Variants in MMP26 observed in about 807,000 individuals in gnomAD.
The protein encoded by MMP26 is matrix metalloproteinase-26.
A neutral mutation model predicts 31.0 loss-of-function variants in MMP26; 33 were observed. The ratio of observed to expected loss-of-function variants is 1.06; its 90% CI spans 0.81 to 1.42. MMP26 has a LOEUF of 1.42. Ranked by LOEUF, MMP26 falls within the 40% of genes most tolerant of loss-of-function variation. The pLI, the probability that MMP26 is intolerant of heterozygous loss-of-function variation, is 0.00. For synonymous variants in MMP26, 122 were observed against 114.9 expected (o/e 1.06, Z -0.40); for missense variants, 347 against 316.1 (o/e 1.10, Z -0.74).
At chr11:4,938,842 T>TAA (rs557166856) in intron 2 of MMP26, among the ~76,000 whole-genome samples, 3 of 151,978 alleles carry the variant, frequency 2.0e-5, no homozygotes, top group Non-Finnish European at 2.9e-5. Flanking sequence ...TCTTAGGGTT[T>TAA]AAAAATAAAA....
At chr11:4,897,915 A>G (rs1310655081) in intron 2 of MMP26, among the ~76,000 whole-genome samples, 2 of 148,842 alleles carry the variant, frequency 1.3e-5, no homozygotes, top group Non-Finnish European at 3.0e-5. Flanking sequence ...ATAAAAATAA[A>G]TAGAAATAAT....
At chr11:4,923,491 C>A in intron 2 of MMP26, 1 of 1,614,012 alleles carries the variant, frequency 6.2e-7, no homozygotes, top group Non-Finnish European at 8.5e-7. Context: ...GTGGTACCAG[C>A]AGATACACAT....
intron 2 of MMP26, among the ~76,000 whole-genome samples, chr11:4,846,743 A>G (rs1415141621): frequency 6.6e-6 from 1 of 152,032 alleles, no homozygotes; most frequent in East Asian, 1.9e-4. Flanking sequence ...TTATTGTGCT[A>G]CAACAATAGT....
chr11:4,780,387 T>C (rs1285667897), intron 2 of MMP26, among the ~76,000 whole-genome samples: 1 of 152,024 alleles, frequency 6.6e-6, no homozygotes, highest in African/African-American at 2.4e-5. Flanking sequence ...ATATATGTAG[T>C]GGTGTTATGT....
intron 2 of MMP26, among the ~76,000 whole-genome samples, chr11:4,839,743 G>A (rs575406135): frequency 6.6e-6 from 1 of 151,708 alleles, no homozygotes; most frequent in South Asian, 2.1e-4. Context: ...GCTGACTTCA[G>A]GTGAGATTCA....
At chr11:4,978,054 T>G (rs777508158) in intron 2 of MMP26, among the ~76,000 whole-genome samples, 10 of 151,956 alleles carry the variant, frequency 6.6e-5, no homozygotes, top group Admixed American at 3.3e-4. Flanking sequence ...ATCTCATGGT[T>G]TTATAAGGAG....
chr11:4,932,906 G>A (rs889460775), intron 2 of MMP26, among the ~76,000 whole-genome samples: 4 of 151,946 alleles, frequency 2.6e-5, no homozygotes, highest in African/African-American at 7.3e-5. Context: ...TTTATTCATG[G>A]CATTATAAAA....
chr11:4,766,165 C>T (rs118088115), intron 1 of MMP26, among the ~76,000 whole-genome samples: 7 of 152,264 alleles, frequency 4.6e-5, no homozygotes, highest in Admixed American at 1.3e-4. Flanking sequence ...TGCTATTCTT[C>T]GGGTTATAGT....
At chr11:4,806,812 A>C (rs1339334412) in intron 2 of MMP26, among the ~76,000 whole-genome samples, 2 of 152,096 alleles carry the variant, frequency 1.3e-5, no homozygotes, top group African/African-American at 4.8e-5. Context: ...ATTCAAAACC[A>C]CCTATATCCG....
At chr11:4,804,360 G>C in intron 2 of MMP26, 3 of 1,614,110 alleles carry the variant, frequency 1.9e-6, no homozygotes, top group Non-Finnish European at 2.5e-6. Context: ...GAGAAGAGCT[G>C]TTCCCTGAAG....
chr11:4,907,618 G>A (rs772935143), intron 2 of MMP26: 1 of 1,613,932 alleles, frequency 6.2e-7, no homozygotes, highest in Non-Finnish European at 8.5e-7. Context: ...CCATGTTGAG[G>A]GTCTTCTTGT....
At chr11:4,720,201 A>G (rs1281764504) in intron 1 of MMP26, among the ~76,000 whole-genome samples, 1 of 152,246 alleles carries the variant, frequency 6.6e-6, no homozygotes, top group African/African-American at 2.4e-5. Flanking sequence ...GATGTCGAGC[A>G]TAAGCATTCT....
Position 4,947,492 on chromosome 11 carries a change from C to T in MMP26, c.-144-40576C>T, listed in dbSNP as rs1846330307. On this transcript the variant is annotated intron_variant, in intron 2 of 7. Coordinates refer to ENST00000380390, the MANE Select transcript of MMP26 (RefSeq NM_021801.5). ...CCTTCAGTTCTATGTGATTAATTGC[C>T]AGTAATAATAGTCAAATGAAAGCTA... The T allele has an allele frequency of 6.2e-5, 9 of 145,156 alleles. 1 individual carries two copies. The South Asian group carries it at 1.5e-3, about 24-fold the overall frequency. The allele number at this position is 145,156 out of a possible 1,614,324, so 9.0% of individuals were successfully genotyped here. A position where few individuals can be genotyped will look rare whatever the true frequency, so the allele number is the denominator to read the frequency against.
In MMP26 at chr11:4,963,809, T is replaced by C. The variant is rs373094845; in HGVS notation, c.-144-24259T>C. ...TTTAATTTTTTAATTATAGCAATTC[T>C]GACTGGTGTGAGATGGCATCTCATC... is the stretch of plus-strand genomic sequence containing the variant. On this transcript the variant is annotated intron_variant, in intron 2 of 7. Coordinates refer to ENST00000380390, the MANE Select transcript of MMP26 (RefSeq NM_021801.5). Among the ~76,000 whole-genome samples, 17 of 152,336 alleles carry C rather than the reference T, an allele frequency of 1.1e-4. No homozygotes were observed. In the East Asian group the frequency reaches 1.5e-3, roughly 14 times the overall value.
chr11:4,748,256 A>G (rs1848405094), intron 1 of MMP26, among the ~76,000 whole-genome samples: 1 of 152,116 alleles, frequency 6.6e-6, no homozygotes, highest in African/African-American at 2.4e-5. Context: ...AAGAAATAGA[A>G]AACCGAACAG....
chr11:4,907,384 T>C, intron 2 of MMP26: 1 of 1,612,186 alleles, frequency 6.2e-7, no homozygotes, highest in Non-Finnish European at 8.5e-7. Context: ...CTGTTCTCAA[T>C]AACTCCGAAG....
At chr11:4,807,698 C>T (rs1182155597) in intron 2 of MMP26, among the ~76,000 whole-genome samples, 1 of 152,096 alleles carries the variant, frequency 6.6e-6, no homozygotes, top group Non-Finnish European at 1.5e-5. Flanking sequence ...AGCAAACCAA[C>T]GTGGCACATG....
Position 4,974,306 on chromosome 11 carries a change from G to T in MMP26, c.-144-13762G>T, listed in dbSNP as rs186601383. Among the ~76,000 whole-genome samples, 156 of 151,486 alleles carry T rather than the reference G, an allele frequency of 1.0e-3. 3 individuals carry two copies. The highest frequency in any genetic ancestry group is 3.7e-3 in the African/African-American group (151 of 41,230). The stretch of plus-strand genomic sequence containing the variant: ...TCATAAAAATTCAGCTGAAAAAAAA[G>T]GTCTAAAATTTTGTTAAAAATTTGT... On this transcript the variant is annotated intron_variant, in intron 2 of 7. Transcript: ENST00000380390.
intron 2 of MMP26, among the ~76,000 whole-genome samples, chr11:4,891,942 A>G (rs1468535071): frequency 6.6e-6 from 1 of 152,088 alleles, no homozygotes; most frequent in Non-Finnish European, 1.5e-5. Context: ...GGGCTTTTTC[A>G]TAGGCAACTT....
Sources: allele counts gnomAD v4.1 joint callset (sites outside exome capture counted in the v4.1 genomes callset), GRCh38; gene constraint gnomAD v4.1.1; transcripts MANE v1.5; gene names NCBI Gene and HGNC (gene_info 2026-07-23, HGNC 2026-07-21).